GIT2: variants seen among roughly 807,000 people sequenced by gnomAD.
GIT2 encodes the protein GIT ArfGAP 2.
Under a neutral mutation model 100.3 loss-of-function variants are expected in GIT2, and 32 were observed. That is an observed-to-expected ratio of 0.32 (90% CI 0.24 to 0.43). The LOEUF (loss-of-function observed/expected upper bound fraction) is 0.43, where lower values mean the gene tolerates loss of function less well. Among genes scored for constraint, GIT2 ranks in the 20% least tolerant of loss-of-function variants. The pLI is 1.00. For synonymous variants in GIT2, 353 were observed against 364.1 expected (o/e 0.97, Z 0.35); for missense variants, 737 against 975.1 (o/e 0.76, Z 3.25).
upstream of GIT2, chr12:109,997,970 G>A (rs1889681781): frequency 1.3e-5 from 2 of 152,226 alleles, no homozygotes; most frequent in African/African-American, 4.8e-5. Context: ...AATATTGAAT[G>A]CCTGTTGTTA....
Position 109,976,283 on chromosome 12 carries a change from A to T in GIT2, c.718+4669T>A, listed in dbSNP as rs1021213662. Among the ~76,000 whole-genome samples, 300 of 134,906 alleles carry T rather than the reference A, an allele frequency of 2.2e-3. 1 individual carries two copies. The highest frequency in any genetic ancestry group is 8.4e-3 in the African/African-American group (293 of 34,806). The allele number at this position is 134,906 out of a possible 152,430, so 88.5% of individuals were successfully genotyped here. A position where few individuals can be genotyped will look rare whatever the true frequency, so the allele number is the denominator to read the frequency against. On this transcript the variant is annotated intron_variant, in intron 7 of 19. Transcript: ENST00000355312. ...TATATGCTGAAAACCCTACTAGATA[A>T]TTTTTTTTTTTTTTTTTTTGAGACG... is the stretch of plus-strand genomic sequence containing the variant.
At chr12:109,983,968 C>T in intron 4 of GIT2, 1 of 403,638 alleles carries the variant, frequency 2.5e-6, no homozygotes, top group Middle Eastern at 7.3e-4. Flanking sequence ...ACAACCAGAA[C>T]CTGAGTGAGA....
rs1871787395 is a variant in GIT2 at position 109,932,299 on chromosome 12, T to C, written c.*679A>G. On this transcript the variant is annotated 3_prime_UTR_variant, in exon 20 of 20. Coordinates refer to ENST00000355312, the MANE Select transcript of GIT2 (RefSeq NM_057169.5). ...GATGTCCTGTGGTGGGTCAATGCTT[T>C]ATCTCATTCCATGGAGCCTTCAAGA... 1 of 152,374 alleles carries C rather than the reference T, an allele frequency of 6.6e-6. No individual in the cohort carries two copies. The allele number at this position is 152,374 out of a possible 1,614,324, so 9.4% of individuals were successfully genotyped here.
At chr12:109,996,108 CG>C in intron 1 of GIT2, 64 bp downstream of exon 1, 1 of 1,040,560 alleles carries the variant, frequency 9.6e-7, no homozygotes. Flanking sequence ...CCTGAGGGGG[CG>C]GCCCCGGGGT....
At chr12:109,941,981 C>T (rs1009683546) in intron 16 of GIT2, among the ~76,000 whole-genome samples, 2 of 152,036 alleles carry the variant, frequency 1.3e-5, no homozygotes, top group African/African-American at 4.8e-5. Flanking sequence ...CGTGCCACCA[C>T]GCTTGGCTAA....
intron 7 of GIT2, among the ~76,000 whole-genome samples, chr12:109,969,210 C>T (rs1200944293): frequency 2.2e-5 from 3 of 137,548 alleles, no homozygotes; most frequent in South Asian, 2.3e-4. Flanking sequence ...TCTTGTTGCC[C>T]AGGCTAGAGT....
intron 12 of GIT2, among the ~76,000 whole-genome samples, chr12:109,959,239 T>C (rs1880413497): frequency 6.6e-6 from 1 of 152,038 alleles, no homozygotes; most frequent in Non-Finnish European, 1.5e-5. Flanking sequence ...TGCTAATTTT[T>C]GTATTTTTAG....
At chr12:109,976,898 A>C (rs1430128316) in intron 7 of GIT2, among the ~76,000 whole-genome samples, 4 of 152,046 alleles carry the variant, frequency 2.6e-5, no homozygotes, top group Non-Finnish European at 5.9e-5. Flanking sequence ...TGACAATGTT[A>C]CAGCTTTAAG....
chr12:109,939,215 A>G lies in GIT2; in HGVS notation c.1764T>C (p.Pro588=). ...ASRLEKQNST[P]ESDYDNTPND... ...TGGGAGTGTTGTCGTAGTCACTCTC[A>G]GGTGTGCTGTTCTGCTTCTCCAGCC... The change falls in exon 17 of 20, where the codon CCT becomes CCC. Residue 588 remains proline, a synonymous_variant. Coordinates refer to ENST00000355312, the MANE Select transcript of GIT2 (RefSeq NM_057169.5). The G allele has an allele frequency of 6.2e-7, 1 of 1,610,244 alleles. No individual in the cohort carries two copies. The highest frequency in any genetic ancestry group is 8.5e-7 in the Non-Finnish European group (1 of 1,176,700).
At chr12:109,938,236 G>A in intron 18 of GIT2, 144 bp downstream of exon 18, 1 of 568,098 alleles carries the variant, frequency 1.8e-6, no homozygotes, top group South Asian at 2.7e-5. Context: ...AACTGACATT[G>A]TTCTTAAGCC....
At position 109,965,530 on chromosome 12, in the gene GIT2, T is replaced by C. The variant is rs753581718; in HGVS notation, c.812A>G (p.Gln271Arg). Residue 271 changes from glutamine (Q) to arginine (R), a missense_variant, in exon 9 of 20, where the codon CAA becomes CGA. Around this residue, in one of 3 missense-constraint regions of GIT2, gnomAD observed 266 missense variants for 376.2 expected, o/e 0.71. Transcript: ENST00000355312. ...ELAKAAKKKL[Q>R]SLSNHLFEEL... ...CCAGTACAGAGAAATACTCACAGATTGAAGTTTCTTCTTAGCAGCTTTTGC... is the reference window on the plus strand; with the variant it reads ...CCAGTACAGAGAAATACTCACAGATCGAAGTTTCTTCTTAGCAGCTTTTGC... The C allele has an allele frequency of 1.1e-5, 18 of 1,581,744 alleles. No homozygotes were observed. In the Middle Eastern group the frequency reaches 8.3e-4, roughly 73 times the overall value.
chr12:109,933,923 C>G lies in GIT2; in HGVS notation c.2067+99G>C, dbSNP rs1251654618. The G allele has an allele frequency of 2.6e-6, 2 of 773,530 alleles. No individual in the cohort carries two copies. The highest frequency in any genetic ancestry group is 3.4e-5 in the African/African-American group (2 of 58,336). The allele number at this position is 773,530 out of a possible 1,614,324, so 47.9% of individuals were successfully genotyped here. The stretch of plus-strand genomic sequence containing the variant: ...GCCTCGACTGCATATTTTAAAACTG[C>G]ATGTGCTACAAAAAAGCTAATGTAA... On this transcript the variant is annotated intron_variant, in intron 19 of 19. Coordinates refer to ENST00000355312, the MANE Select transcript of GIT2 (RefSeq NM_057169.5). This position sits in a 1 kb window ranked among gnomAD's most constrained non-coding sequence, Gnocchi z 4.5.
chr12:109,930,002 C>T lies in GIT2; in HGVS notation c.*2976G>A, dbSNP rs1216329801. ...CATTTTCTTTTCTAGGAACACGTTA[C>T]CTTCAACCAGGACAAGGAAAGAAAG... On this transcript the variant is annotated 3_prime_UTR_variant, in exon 20 of 20. Coordinates refer to ENST00000355312, the MANE Select transcript of GIT2 (RefSeq NM_057169.5). 1 of 152,470 alleles carries T rather than the reference C, an allele frequency of 6.6e-6. No homozygotes were observed. Among genetic ancestry groups the T allele is most frequent in the East Asian group, 1.9e-4 (1 of 5,198 alleles). The allele number at this position is 152,470 out of a possible 1,614,324, so 9.4% of individuals were successfully genotyped here.
chr12:109,979,011 G>A (rs1266482053), intron 7 of GIT2, among the ~76,000 whole-genome samples: 2 of 145,564 alleles, frequency 1.4e-5, no homozygotes, highest in African/African-American at 5.7e-5. Flanking sequence ...CAACTGACCA[G>A]GTGAGGTTCT....
intron 12 of GIT2, 115 bp downstream of exon 12, chr12:109,959,725 AAAAAACC>A (rs915678368): frequency 9.7e-5 from 64 of 660,920 alleles, no homozygotes; most frequent in Non-Finnish European, 1.6e-4. Flanking sequence ...AAAAACAAAC[AAAAAACC>A]AAAAACCTAT....
At chr12:109,959,367 CAAG>C (rs1305261847) in intron 12 of GIT2, among the ~76,000 whole-genome samples, 1 of 152,106 alleles carries the variant, frequency 6.6e-6, no homozygotes, top group Non-Finnish European at 1.5e-5. Flanking sequence ...CACGCCCGGC[CAAG>C]AAGAGTTTAT....
intron 16 of GIT2, chr12:109,939,826 T>C (rs1489082331): frequency 1.3e-5 from 2 of 152,198 alleles, no homozygotes; most frequent in African/African-American, 4.8e-5. Flanking sequence ...CATTGAGCCA[T>C]GGTCGCACCA....
chr12:109,997,476 G>A (rs898828348), upstream of GIT2: 3 of 152,172 alleles, frequency 2.0e-5, no homozygotes, highest in South Asian at 4.1e-4. Flanking sequence ...TTAAGATAAT[G>A]CATTGTTTAC....
rs757371777 is a variant in GIT2, at chr12:109,961,605, CA to C, written c.889+7del. The stretch of plus-strand genomic sequence containing the variant: ...AGAAGCTTATTAGATAAAGCCACGT[CA>C]AGTCACCTGCATCCGTCTCTCGCCT... On this transcript the variant is annotated splice_region_variant and intron_variant, in intron 10 of 19. Coordinates refer to ENST00000355312, the MANE Select transcript of GIT2 (RefSeq NM_057169.5). The C allele has an allele frequency of 3.9e-4, 622 of 1,578,254 alleles. 7 individuals carry two copies. The highest frequency in any genetic ancestry group is 5.3e-5 in the Non-Finnish European group (61 of 1,147,816).
Sources: allele counts gnomAD v4.1 joint callset (sites outside exome capture counted in the v4.1 genomes callset), GRCh38; gene constraint gnomAD v4.1.1; regional missense constraint gnomAD v4.1.1; non-coding constraint Gnocchi (gnomAD v3.1); transcripts MANE v1.5; gene names NCBI Gene and HGNC (gene_info 2026-07-23, HGNC 2026-07-21).